PLXDC2: variants seen among roughly 807,000 people sequenced by gnomAD.
PLXDC2 encodes the protein plexin domain-containing protein 2.
A neutral mutation model predicts 68.9 loss-of-function variants in PLXDC2; 40 were observed. The ratio of observed to expected loss-of-function variants is 0.58; its 90% CI spans 0.45 to 0.76. PLXDC2 has a LOEUF of 0.76. Ranked by LOEUF, PLXDC2 falls within the 30% of genes least tolerant of loss-of-function variation. The probability of loss-of-function intolerance (pLI) is 0.00; values close to 1 mark genes in which losing one functional copy is unlikely to be tolerated. For missense variants in PLXDC2, 644 were observed against 661.9 expected (o/e 0.97, Z 0.30); for synonymous variants, 243 against 234.2 (o/e 1.04, Z -0.34).
In PLXDC2 at chr10:19,987,810, C is replaced by T. The variant is rs1340801001; in HGVS notation, c.113-13965C>T. On this transcript the variant is annotated intron_variant, in intron 1 of 13. Coordinates refer to ENST00000377252, the MANE Select transcript of PLXDC2 (RefSeq NM_032812.9). ...CGATCGATCTCCCGACCTTGTGATCCTCCCGCCTTGACCTCCCAAAGTGCT... is the reference window on the plus strand; with the variant it reads ...CGATCGATCTCCCGACCTTGTGATCTTCCCGCCTTGACCTCCCAAAGTGCT... Among the ~76,000 whole-genome samples the T allele has an allele frequency of 3.3e-5, 5 of 152,268 alleles. No homozygotes were observed. The East Asian group carries it at 9.7e-4, about 29-fold the overall frequency.
chr10:20,111,184 A>G (rs1482236177), intron 4 of PLXDC2, among the ~76,000 whole-genome samples: 5 of 152,174 alleles, frequency 3.3e-5, no homozygotes, highest in African/African-American at 1.2e-4. Flanking sequence ...TGGGTGATAG[A>G]CTTGCAAACC....
chr10:20,118,139 GAC>G (rs1833647397), intron 4 of PLXDC2, among the ~76,000 whole-genome samples: 1 of 117,668 alleles, frequency 8.5e-6, no homozygotes, highest in African/African-American at 3.0e-5. Flanking sequence ...CACACACACA[GAC>G]ACACACACAC....
intron 2 of PLXDC2, among the ~76,000 whole-genome samples, chr10:20,004,998 C>A (rs1181575699): frequency 6.6e-6 from 1 of 152,034 alleles, no homozygotes; most frequent in Non-Finnish European, 1.5e-5. Context: ...GATTTGTGTC[C>A]CTGTGTTTTC....
intron 3 of PLXDC2, among the ~76,000 whole-genome samples, chr10:20,064,964 T>C (rs553077419): frequency 8.7e-4 from 133 of 152,262 alleles, no homozygotes; most frequent in African/African-American, 3.0e-3. Flanking sequence ...CAACTGGCTA[T>C]AATGATAACA....
intron 1 of PLXDC2, among the ~76,000 whole-genome samples, chr10:19,958,997 A>G (rs1376646767): frequency 6.6e-6 from 1 of 152,206 alleles, no homozygotes; most frequent in African/African-American, 2.4e-5. Context: ...CCTATGGCAG[A>G]CAGCCTTCTG....
chr10:20,208,232 A>C (rs1385756602), intron 9 of PLXDC2, among the ~76,000 whole-genome samples: 4 of 152,198 alleles, frequency 2.6e-5, no homozygotes, highest in Non-Finnish European at 5.9e-5. Context: ...TTTATAAAGA[A>C]AAAGACATTT....
At chr10:20,189,804 A>G (rs1834740636) in intron 9 of PLXDC2, among the ~76,000 whole-genome samples, 1 of 151,366 alleles carries the variant, frequency 6.6e-6, no homozygotes, top group Non-Finnish European at 1.5e-5. Context: ...CTATCTACTT[A>G]TTAATAATCT....
At chr10:20,039,557 A>G (rs965063935) in intron 2 of PLXDC2, among the ~76,000 whole-genome samples, 3 of 152,282 alleles carry the variant, frequency 2.0e-5, no homozygotes, top group Admixed American at 6.5e-5. Context: ...GAACTTTTCA[A>G]AGTACTTATG....
chr10:19,921,562 G>T (rs770421881), intron 1 of PLXDC2, among the ~76,000 whole-genome samples: 6 of 152,148 alleles, frequency 3.9e-5, no homozygotes, highest in Non-Finnish European at 8.8e-5. Context: ...TACGTAACCA[G>T]ACAAAAACAA....
At chr10:20,136,317 A>T (rs1833932680) in intron 4 of PLXDC2, among the ~76,000 whole-genome samples, 1 of 152,218 alleles carries the variant, frequency 6.6e-6, no homozygotes, top group Non-Finnish European at 1.5e-5. Context: ...TCAGATTATC[A>T]ATTGCTGCCA....
chr10:20,196,020 G>A (rs1834832811), intron 9 of PLXDC2, among the ~76,000 whole-genome samples: 1 of 152,180 alleles, frequency 6.6e-6, no homozygotes, highest in Non-Finnish European at 1.5e-5. Flanking sequence ...CAAGTATAAC[G>A]TTTGGTATGA....
intron 4 of PLXDC2, chr10:20,070,659 A>T (rs191465682): frequency 2.0e-5 from 3 of 152,292 alleles, no homozygotes; most frequent in African/African-American, 7.2e-5. Flanking sequence ...ATATAATAGA[A>T]ATATGGTGAT....
At chr10:19,840,380 G>C (rs1157518250) in intron 1 of PLXDC2, among the ~76,000 whole-genome samples, 1 of 152,034 alleles carries the variant, frequency 6.6e-6, no homozygotes, top group Non-Finnish European at 1.5e-5. Context: ...GGGCTATCTG[G>C]TCCAATCTCT....
chr10:20,080,096 G>A (rs1472623154), intron 4 of PLXDC2, among the ~76,000 whole-genome samples: 1 of 152,110 alleles, frequency 6.6e-6, no homozygotes, highest in Admixed American at 6.5e-5. Context: ...AAATGACAAA[G>A]ACAGTTTATT....
At chr10:20,097,715 G>A (rs72791893) in intron 4 of PLXDC2, among the ~76,000 whole-genome samples, 1 of 151,996 alleles carries the variant, frequency 6.6e-6, no homozygotes, top group Admixed American at 6.6e-5. Flanking sequence ...GTGGAAATTT[G>A]TTATAGGTGC....
intron 1 of PLXDC2, among the ~76,000 whole-genome samples, chr10:19,943,393 G>A (rs1174998283): frequency 6.6e-6 from 1 of 152,172 alleles, no homozygotes; most frequent in East Asian, 1.9e-4. Context: ...TGCTTCTAAT[G>A]TAAGGAGTTT....
chr10:20,082,070 A>AAAAAAAAAAAAAG (rs1554765383), intron 4 of PLXDC2, among the ~76,000 whole-genome samples: 1 of 121,932 alleles, frequency 8.2e-6, no homozygotes, highest in African/African-American at 2.6e-5. Context: ...AAATCAAAAA[A>AAAAAAAAAAAAAG]AAAAAACAGG....
intron 6 of PLXDC2, among the ~76,000 whole-genome samples, chr10:20,159,682 A>G (rs921378676): frequency 1.3e-5 from 2 of 152,112 alleles, no homozygotes; most frequent in Admixed American, 6.5e-5. Flanking sequence ...CACGCTCCCT[A>G]TGATCTGCCC....
chr10:19,863,023 A>G (rs1837344638), intron 1 of PLXDC2, among the ~76,000 whole-genome samples: 1 of 152,182 alleles, frequency 6.6e-6, no homozygotes, highest in Non-Finnish European at 1.5e-5. Flanking sequence ...AAATGACAAG[A>G]ACATATGGGG....
Sources: allele counts gnomAD v4.1 joint callset (sites outside exome capture counted in the v4.1 genomes callset), GRCh38; gene constraint gnomAD v4.1.1; transcripts MANE v1.5; gene names NCBI Gene and HGNC (gene_info 2026-07-23, HGNC 2026-07-21).